The following TET3 variants were observed in gnomAD, a reference collection of about 807,000 sequenced individuals.
TET3 encodes the protein methylcytosine dioxygenase TET3.
A neutral mutation model predicts 141.4 loss-of-function variants in TET3; 19 were observed. That is an observed-to-expected ratio of 0.13 (90% CI 0.09 to 0.20). TET3 has a LOEUF of 0.20. TET3 is among the 10% of genes least tolerant of loss of function. The probability of loss-of-function intolerance (pLI) is 1.00; values close to 1 mark genes in which losing one functional copy is unlikely to be tolerated. For missense variants in TET3, 1,874 were observed against 2,356.9 expected, an observed-to-expected ratio of 0.80 and a Z score of 4.24; for synonymous variants, 1,043 against 980.9, an observed-to-expected ratio of 1.06 and a Z score of -1.18.
intron 6 of TET3, among the ~76,000 whole-genome samples, chr2:74,082,147 C>G (rs1689871854): frequency 6.6e-6 from 1 of 152,166 alleles, no homozygotes; most frequent in African/African-American, 2.4e-5. Context: ...ACTTTTCCAG[C>G]TTCAAGACAG....
chr2:74,032,903 C>A (rs1308342193), intron 3 of TET3, among the ~76,000 whole-genome samples: 1 of 152,190 alleles, frequency 6.6e-6, no homozygotes, highest in Non-Finnish European at 1.5e-5. Flanking sequence ...TTACATAGAA[C>A]TTTTAATGGG....
chr2:74,121,776 T>A, the TET3 span: 1 of 152,242 alleles, frequency 6.6e-6, no homozygotes, highest in Non-Finnish European at 1.5e-5. Context: ...GGCAGGTGGA[T>A]CAGTCGAGGT....
chr2:74,071,673 C>CA (rs1156845253), intron 4 of TET3, among the ~76,000 whole-genome samples: 2 of 152,174 alleles, frequency 1.3e-5, no homozygotes, highest in Non-Finnish European at 2.9e-5. Context: ...CTTTTTCAGT[C>CA]ATAGGACCCA....
intron 2 of TET3, chr2:73,998,222 C>T (rs1684688799): frequency 6.6e-6 from 1 of 152,250 alleles, no homozygotes; most frequent in African/African-American, 2.4e-5. Context: ...CCCACCTTCT[C>T]AACAGCATCA....
intron 10 of TET3, among the ~76,000 whole-genome samples, chr2:74,094,308 G>A (rs1376823692): frequency 6.6e-6 from 1 of 152,174 alleles, no homozygotes; most frequent in Non-Finnish European, 1.5e-5. Context: ...GCTCCGAGCG[G>A]GGAGCAGGCT....
intron 11 of TET3, among the ~76,000 whole-genome samples, 195 bp from the exon 12 acceptor site, chr2:74,100,198 T>TGGGGCC (rs1691100625): frequency 1.3e-5 from 2 of 152,234 alleles, no homozygotes. Flanking sequence ...GGGCTGGGGC[T>TGGGGCC]GGGGCCTGTG....
intron 4 of TET3, among the ~76,000 whole-genome samples, chr2:74,051,344 A>C (rs983512282): frequency 4.6e-5 from 7 of 152,218 alleles, no homozygotes; most frequent in Non-Finnish European, 8.8e-5. Context: ...TTAGAGGAAA[A>C]TACTTAGGTA....
At chr2:74,003,620 G>A (rs1177734707) in intron 3 of TET3, among the ~76,000 whole-genome samples, 1 of 151,234 alleles carries the variant, frequency 6.6e-6, no homozygotes, top group Non-Finnish European at 1.5e-5. Flanking sequence ...AAGCTGATAG[G>A]ATGTCATTAG....
At chr2:74,036,614 C>G (rs576044152) in intron 3 of TET3, among the ~76,000 whole-genome samples, 6 of 152,296 alleles carry the variant, frequency 3.9e-5, no homozygotes, top group Non-Finnish European at 8.8e-5. Flanking sequence ...CAATTACTTG[C>G]CCTCTCTGTG....
At chr2:74,092,831 A>C (rs1690583763) in intron 8 of TET3, 71 bp from the exon 9 acceptor site, 7 of 1,347,422 alleles carry the variant, frequency 5.2e-6, no homozygotes, top group African/African-American at 2.9e-5. Context: ...CAGGAATGCC[A>C]GTCCACTTCC....
At position 74,102,093 on chromosome 2, in the gene TET3, C is replaced by A. The variant is rs1423652944; in HGVS notation, c.5305C>A (p.Leu1769Met). The change falls in exon 12 of 12, where the codon CTG (leucine) becomes ATG (methionine). Residue 1769 changes from leucine (L) to methionine (M), a missense_variant. Around this residue, in one of 10 missense-constraint regions of TET3, gnomAD observed 113 missense variants for 114.3 expected, o/e 0.99. Coordinates refer to ENST00000409262, the MANE Select transcript of TET3 (RefSeq NM_001287491.2). ...KKGVVPTRQA[L>M]AVPTDSAVTV... Reference sequence around the variant, plus strand: ...GGGGGTCGTCCCCACCCGGCAGGCACTGGCTGTGCCCACAGACTCGGCGGT... The same window carrying A: ...GGGGGTCGTCCCCACCCGGCAGGCAATGGCTGTGCCCACAGACTCGGCGGT... 6.7e-7 allele frequency: 1 copy of A among 1,503,358 alleles called. No individual in the cohort carries two copies. Among genetic ancestry groups the A allele is most frequent in the Admixed American group, 2.4e-5 (1 of 42,188 alleles). 93.1% of individuals were successfully genotyped at this position (1,503,358 alleles called of 1,614,324 possible).
chr2:74,005,974 C>T (rs993394507), intron 3 of TET3, among the ~76,000 whole-genome samples: 2 of 152,090 alleles, frequency 1.3e-5, no homozygotes, highest in South Asian at 2.1e-4. Context: ...GGCTCCCACA[C>T]GGCTCCCACA....
At chr2:74,054,632 A>C (rs1688118655) in intron 4 of TET3, among the ~76,000 whole-genome samples, 1 of 150,144 alleles carries the variant, frequency 6.7e-6, no homozygotes, top group Non-Finnish European at 1.5e-5. Flanking sequence ...CCCAGAATGG[A>C]AGTTACCACC....
intron 4 of TET3, among the ~76,000 whole-genome samples, chr2:74,058,866 A>G (rs927234811): frequency 4.0e-5 from 6 of 151,810 alleles, no homozygotes; most frequent in African/African-American, 1.5e-4. Flanking sequence ...TAAATGGTTG[A>G]AAAAAAAAGT....
rs2104255390 is a variant in TET3 at position 74,104,011 on chromosome 2, T to C, written c.*1835T>C. On this transcript the variant is annotated 3_prime_UTR_variant, in exon 12 of 12. Coordinates refer to ENST00000409262, the MANE Select transcript of TET3 (RefSeq NM_001287491.2). ...GAGAACCGGCCTGCTGGGTGTTTAC[T>C]GTATCTGTTTGGAAGCACTGGCGGA... 1 of 153,898 alleles carries C rather than the reference T, an allele frequency of 6.5e-6. No homozygotes were observed. The highest frequency in any genetic ancestry group is 3.4e-3 in the Middle Eastern group (1 of 294). 9.5% of individuals were successfully genotyped at this position (153,898 alleles called of 1,614,324 possible).
intron 4 of TET3, among the ~76,000 whole-genome samples, chr2:74,062,606 C>A (rs904650088): frequency 6.6e-6 from 1 of 152,072 alleles, no homozygotes; most frequent in Non-Finnish European, 1.5e-5. Context: ...TAAAAACATA[C>A]TATAGATTTT....
rs780936000 is a variant in TET3 at position 74,087,814 on chromosome 2, C to G, written c.2680-16C>G. ...GGGTACCTGGCTCCTGCCCCTCACA[C>G]CCTGCGTCCCTGCAGGTGATCCGCA... On this transcript the variant is annotated splice_polypyrimidine_tract_variant and intron_variant, in intron 6 of 11. Transcript: ENST00000409262. The surrounding 1 kb of genome is among the most constrained non-coding windows in gnomAD (Gnocchi z 4.3). 3.2e-6 allele frequency: 5 copies of G among 1,541,028 alleles called. No homozygotes were observed. In the South Asian group the frequency reaches 4.8e-5, roughly 15 times the overall value.
At chr2:74,084,728 C>T (rs568060645) in intron 6 of TET3, among the ~76,000 whole-genome samples, 182 of 152,212 alleles carry the variant, frequency 1.2e-3, no homozygotes, top group African/African-American at 4.1e-3. Context: ...GCTGGGATTA[C>T]AGGCATGAGC....
intron 3 of TET3, among the ~76,000 whole-genome samples, chr2:74,022,167 C>G (rs529767543): frequency 7.8e-6 from 1 of 128,130 alleles, no homozygotes; most frequent in Admixed American, 8.9e-5. Flanking sequence ...CAAAATAATA[C>G]ATGTTTATTG....
Sources: allele counts gnomAD v4.1 joint callset (sites outside exome capture counted in the v4.1 genomes callset), GRCh38; gene constraint gnomAD v4.1.1; regional missense constraint gnomAD v4.1.1; non-coding constraint Gnocchi (gnomAD v3.1); transcripts MANE v1.5; gene names NCBI Gene and HGNC (gene_info 2026-07-23, HGNC 2026-07-21).